The following AKT3 variants were observed in gnomAD, a reference collection of about 807,000 sequenced individuals.
AKT3 encodes RAC-gamma serine/threonine-protein kinase.
Under a neutral mutation model 65.3 loss-of-function variants are expected in AKT3, and 15 were observed. The ratio of observed to expected loss-of-function variants is 0.23; its 90% CI spans 0.15 to 0.35. AKT3 has a LOEUF of 0.35. AKT3 is among the 10% of genes least tolerant of loss of function. The pLI, the probability that AKT3 is intolerant of heterozygous loss-of-function variation, is 1.00. For synonymous variants in AKT3, 206 were observed against 183.8 expected (o/e 1.12, Z -0.98); for missense variants, 243 against 576.5 (o/e 0.42, Z 5.92).
chr1:243,846,430 T>A (rs963301136), intron 1 of AKT3, among the ~76,000 whole-genome samples: 5 of 152,292 alleles, frequency 3.3e-5, no homozygotes, highest in African/African-American at 1.2e-4. Context: ...TTTACTTTCC[T>A]CTCATAATAT....
intron 1 of AKT3, among the ~76,000 whole-genome samples, chr1:243,843,808 C>T (rs564005815): frequency 5.3e-5 from 8 of 151,406 alleles, no homozygotes; most frequent in South Asian, 2.1e-4. Flanking sequence ...TGCGCCACCA[C>T]GCCCTGCTAA....
chr1:243,825,240 T>C (rs1297640952), intron 2 of AKT3, among the ~76,000 whole-genome samples: 1 of 152,140 alleles, frequency 6.6e-6, no homozygotes, highest in Non-Finnish European at 1.5e-5. Context: ...CAACACACAC[T>C]GTGGCCTGTC....
intron 13 of AKT3, among the ~76,000 whole-genome samples, chr1:243,493,518 A>G (rs1263229415): frequency 6.6e-6 from 1 of 151,774 alleles, no homozygotes; most frequent in African/African-American, 2.4e-5. Flanking sequence ...GCTGACTTGC[A>G]TTTTCTGGTA....
intron 1 of AKT3, among the ~76,000 whole-genome samples, chr1:243,848,006 A>T (rs1050544155): frequency 6.6e-6 from 1 of 152,212 alleles, no homozygotes; most frequent in African/African-American, 2.4e-5. Context: ...CAATTTTTGC[A>T]GGATTACTTT....
chr1:243,707,560 A>G (rs1474720819), intron 2 of AKT3, among the ~76,000 whole-genome samples: 1 of 152,164 alleles, frequency 6.6e-6, no homozygotes, highest in Non-Finnish European at 1.5e-5. Context: ...AAATTATAAG[A>G]AAGTTACTCC....
chr1:243,666,871 G>A (rs1485320262), intron 3 of AKT3, among the ~76,000 whole-genome samples: 2 of 152,152 alleles, frequency 1.3e-5, no homozygotes, highest in Non-Finnish European at 2.9e-5. Context: ...ATAGATGGGT[G>A]TTTTGTCGAC....
chr1:243,571,246 G>A (rs1032508158), intron 9 of AKT3, among the ~76,000 whole-genome samples: 1 of 152,194 alleles, frequency 6.6e-6, no homozygotes, highest in African/African-American at 2.4e-5. Context: ...GAACCAGGGA[G>A]TTGGAGGTTG....
At chr1:243,688,653 C>T (rs1361408907) in intron 3 of AKT3, among the ~76,000 whole-genome samples, 3 of 152,192 alleles carry the variant, frequency 2.0e-5, no homozygotes, top group Admixed American at 6.5e-5. Context: ...CTGTATCTTG[C>T]TGACTGACTC....
intron 12 of AKT3, among the ~76,000 whole-genome samples, chr1:243,535,980 T>C (rs532656715): frequency 6.6e-6 from 1 of 152,206 alleles, no homozygotes; most frequent in African/African-American, 2.4e-5. Flanking sequence ...ATTTGTGATG[T>C]TGAACATTTT....
chr1:243,489,564 T>A (rs757124488), intron 13 of AKT3, among the ~76,000 whole-genome samples: 1 of 152,192 alleles, frequency 6.6e-6, no homozygotes, highest in Non-Finnish European at 1.5e-5. Context: ...AGCAAAGTCG[T>A]CTTGAATGGA....
In AKT3 at chr1:243,772,388, A is replaced by C. The variant is rs1690245491; in HGVS notation, c.46+70737T>G. On this transcript the variant is annotated intron_variant, in intron 2 of 13. Transcript: ENST00000673466. ...AAAAACAGGCAAAGGATATGAACAGACACTTCTCAAAAGAAGACAGTTACG... is the reference window on the plus strand; with the variant it reads ...AAAAACAGGCAAAGGATATGAACAGCCACTTCTCAAAAGAAGACAGTTACG... 2.6e-5 allele frequency among the ~76,000 whole-genome samples: 4 copies of C among 152,358 alleles called. No homozygotes were observed. The South Asian group carries it at 8.3e-4, about 32-fold the overall frequency.
chr1:243,789,340 C>T (rs143257116), intron 2 of AKT3, among the ~76,000 whole-genome samples: 204 of 152,272 alleles, frequency 1.3e-3, no homozygotes, highest in African/African-American at 4.7e-3. Context: ...GAGCTAGGAT[C>T]GTGCCACTGT....
intron 8 of AKT3, among the ~76,000 whole-genome samples, chr1:243,574,977 T>C (rs1303291227): frequency 1.3e-5 from 2 of 152,184 alleles, no homozygotes; most frequent in Non-Finnish European, 2.9e-5. Flanking sequence ...GTATCTTCAA[T>C]GTGTCTGCCA....
At chr1:243,679,991 T>A (rs1683804489) in intron 3 of AKT3, among the ~76,000 whole-genome samples, 1 of 152,152 alleles carries the variant, frequency 6.6e-6, no homozygotes, top group African/African-American at 2.4e-5. Flanking sequence ...GATTATTACA[T>A]GTTTATTTTT....
At chr1:243,746,542 C>T (rs1290057010) in intron 2 of AKT3, among the ~76,000 whole-genome samples, 1 of 152,176 alleles carries the variant, frequency 6.6e-6, no homozygotes, top group East Asian at 1.9e-4. Flanking sequence ...TGTCCCCTCA[C>T]TTTATCAATA....
chr1:243,621,150 C>A (rs1480927204), intron 6 of AKT3, among the ~76,000 whole-genome samples: 1 of 152,132 alleles, frequency 6.6e-6, no homozygotes, highest in Non-Finnish European at 1.5e-5. Flanking sequence ...CTAACCCTTA[C>A]CTAGTCAAGC....
intron 3 of AKT3, among the ~76,000 whole-genome samples, chr1:243,677,758 G>A (rs1196353371): frequency 2.6e-5 from 4 of 151,990 alleles, no homozygotes; most frequent in Non-Finnish European, 5.9e-5. Flanking sequence ...AATGAATTGT[G>A]GAGGATTATA....
chr1:243,618,457 A>G (rs1351205459), intron 6 of AKT3, among the ~76,000 whole-genome samples: 1 of 152,168 alleles, frequency 6.6e-6, no homozygotes, highest in Admixed American at 6.5e-5. Flanking sequence ...AATTACAGTT[A>G]AAAGCAACAT....
intron 2 of AKT3, among the ~76,000 whole-genome samples, chr1:243,783,171 GAT>G (rs1491083645): frequency 2.2e-5 from 1 of 45,208 alleles, no homozygotes; most frequent in Admixed American, 3.9e-4. Context: ...GGGGTCCCTA[GAT>G]CGGTTCAGGA....
Sources: allele counts gnomAD v4.1 joint callset (sites outside exome capture counted in the v4.1 genomes callset), GRCh38; gene constraint gnomAD v4.1.1; transcripts MANE v1.5; gene names NCBI Gene and HGNC (gene_info 2026-07-23, HGNC 2026-07-21).